AGMO: variants seen among roughly 807,000 people sequenced by gnomAD.
The protein encoded by AGMO is alkylglycerol monooxygenase, also known as glyceryl-ether monooxygenase.
In AGMO, 75 loss-of-function variants were observed where a neutral mutation model predicts 60.2. The observed-to-expected ratio is 1.25, with a 90% CI of 1.03 to 1.51. AGMO has a LOEUF of 1.51. Ranked by LOEUF, AGMO falls within the 40% of genes most tolerant of loss-of-function variation. The pLI is 0.00. For missense variants in AGMO, 763 were observed against 525.5 expected, an observed-to-expected ratio of 1.45 and a Z score of -4.42; for synonymous variants, 261 against 177.1, an observed-to-expected ratio of 1.47 and a Z score of -3.76.
chr7:15,548,306 G>C (rs1784846734), intron 2 of AGMO, among the ~76,000 whole-genome samples: 1 of 152,126 alleles, frequency 6.6e-6, no homozygotes, highest in Non-Finnish European at 1.5e-5. Flanking sequence ...ACGGAACAAA[G>C]CTGGATGGAG....
intron 3 of AGMO, among the ~76,000 whole-genome samples, chr7:15,511,513 C>T (rs756018852): frequency 5.3e-5 from 8 of 151,974 alleles, no homozygotes; most frequent in Admixed American, 6.6e-5. Flanking sequence ...AGATGATGGG[C>T]AAAGGGCACA....
intron 12 of AGMO, among the ~76,000 whole-genome samples, chr7:15,209,536 C>T (rs2115474830): frequency 1.3e-5 from 2 of 152,246 alleles, no homozygotes; most frequent in Middle Eastern, 6.8e-3. Context: ...ATGATTAGAG[C>T]CCCAGTAAAT....
the AGMO span, among the ~76,000 whole-genome samples, chr7:15,125,721 A>T: frequency 1.3e-5 from 2 of 152,088 alleles, no homozygotes; most frequent in Admixed American, 1.3e-4. Flanking sequence ...AAGATTCAAC[A>T]ATAGTTACAT....
intron 12 of AGMO, among the ~76,000 whole-genome samples, chr7:15,289,471 T>A (rs931209148): frequency 6.6e-5 from 10 of 152,132 alleles, no homozygotes; most frequent in African/African-American, 2.4e-4. Flanking sequence ...AGTATTACAA[T>A]AATGACTCTG....
intron 12 of AGMO, among the ~76,000 whole-genome samples, chr7:15,215,820 A>C (rs1781719882): frequency 6.6e-6 from 1 of 152,098 alleles, no homozygotes; most frequent in South Asian, 2.1e-4. Flanking sequence ...ATGTGGGCTT[A>C]ATTGAAATGC....
At chr7:15,489,078 GA>G (rs1170377205) in intron 3 of AGMO, among the ~76,000 whole-genome samples, 6 of 152,090 alleles carry the variant, frequency 3.9e-5, no homozygotes, top group Non-Finnish European at 5.9e-5. Flanking sequence ...AAACTAGTAT[GA>G]ACACTGCCAT....
rs17168823 is a variant in AGMO at position 15,554,309 on chromosome 7, C to T, written c.257+5832G>A. On this transcript the variant is annotated intron_variant, in intron 2 of 12. Coordinates refer to ENST00000342526, the MANE Select transcript of AGMO (RefSeq NM_001004320.2). ...TGGGAAGAGGCATATAAAATATGTACGTATATAGTAAGCTTACTTTATCAC... is the reference window on the plus strand; with the variant it reads ...TGGGAAGAGGCATATAAAATATGTATGTATATAGTAAGCTTACTTTATCAC... 8.7e-3 allele frequency among the ~76,000 whole-genome samples: 1,320 copies of T among 152,022 alleles called. 23 individuals are homozygous for T. Among genetic ancestry groups the T allele is most frequent in the African/African-American group, 0.03 (1,246 of 41,486 alleles).
chr7:15,506,647 T>C (rs1783519037), intron 3 of AGMO, among the ~76,000 whole-genome samples: 1 of 152,074 alleles, frequency 6.6e-6, no homozygotes, highest in Admixed American at 6.6e-5. Context: ...GCAATTCTAT[T>C]GTACCTGAAA....
chr7:15,349,971 T>C (rs559756494), intron 12 of AGMO, among the ~76,000 whole-genome samples: 2 of 152,250 alleles, frequency 1.3e-5, no homozygotes, highest in Admixed American at 1.3e-4. Flanking sequence ...AGCCAAATCA[T>C]ATCAAATGTG....
At chr7:15,331,791 T>C (rs1563091888) in intron 12 of AGMO, among the ~76,000 whole-genome samples, 1 of 152,038 alleles carries the variant, frequency 6.6e-6, no homozygotes, top group African/African-American at 2.4e-5. Context: ...CCAGGTGTGG[T>C]GGCCCATGCC....
intron 3 of AGMO, among the ~76,000 whole-genome samples, chr7:15,438,095 C>A (rs558810481): frequency 2.0e-5 from 3 of 152,002 alleles, no homozygotes; most frequent in African/African-American, 7.2e-5. Context: ...CAAAATAAAA[C>A]GATAGATTTT....
At chr7:15,138,732 G>C in the AGMO span, among the ~76,000 whole-genome samples, 2 of 152,058 alleles carry the variant, frequency 1.3e-5, no homozygotes, top group Non-Finnish European at 2.9e-5. Flanking sequence ...TAATGAGGTC[G>C]ATCAATAGAA....
At chr7:15,249,184 G>A (rs543454064) in intron 12 of AGMO, among the ~76,000 whole-genome samples, 1 of 152,104 alleles carries the variant, frequency 6.6e-6, no homozygotes, top group African/African-American at 2.4e-5. Context: ...CATGTTAAGA[G>A]CTGAATAATG....
At chr7:15,152,251 A>G in the AGMO span, among the ~76,000 whole-genome samples, 1 of 152,034 alleles carries the variant, frequency 6.6e-6, no homozygotes, top group African/African-American at 2.4e-5. Context: ...TAAAATTTTT[A>G]TGTATATTTG....
At chr7:15,542,349 A>C (rs892363275) in intron 3 of AGMO, among the ~76,000 whole-genome samples, 4 of 152,164 alleles carry the variant, frequency 2.6e-5, no homozygotes, top group Non-Finnish European at 5.9e-5. Context: ...TCAGTTCAAA[A>C]TTTCTAATGA....
chr7:15,392,109 G>A (rs1274579943), intron 6 of AGMO, among the ~76,000 whole-genome samples: 1 of 151,232 alleles, frequency 6.6e-6, no homozygotes, highest in Non-Finnish European at 1.5e-5. Context: ...TCACTCTGTT[G>A]TCCAGGCTGG....
intron 3 of AGMO, among the ~76,000 whole-genome samples, chr7:15,468,511 C>A (rs7789097): frequency 0.13 from 19,987 of 151,872 alleles, 1,424 homozygotes; most frequent in Non-Finnish European, 0.15. Flanking sequence ...AATAATTATA[C>A]ATATGCATTT....
intron 12 of AGMO, among the ~76,000 whole-genome samples, chr7:15,317,978 G>GTA (rs148730260): frequency 0.051 from 6,699 of 132,096 alleles, 599 homozygotes; most frequent in African/African-American, 0.18. Flanking sequence ...ACACACACAC[G>GTA]TATATATATA....
intron 12 of AGMO, among the ~76,000 whole-genome samples, chr7:15,357,256 T>A (rs1027460050): frequency 2.6e-5 from 4 of 151,198 alleles, no homozygotes; most frequent in Admixed American, 6.6e-5. Flanking sequence ...AGTACGTATA[T>A]AGCAGACTAG....
Sources: gnomAD v4.1 joint callset for allele counts (sites outside exome capture counted in the v4.1 genomes callset) on GRCh38, gnomAD v4.1.1 for gene constraint, MANE v1.5 for transcripts, NCBI Gene and HGNC (gene_info 2026-07-23, HGNC 2026-07-21) for gene names.